Variants in TRDMT1 observed in about 807,000 individuals in gnomAD.
The protein encoded by TRDMT1 is tRNA (cytosine(38)-C(5))-methyltransferase.
In TRDMT1, 49 loss-of-function variants were observed where a neutral mutation model predicts 51.2. The ratio of observed to expected loss-of-function variants is 0.96; its 90% CI spans 0.76 to 1.21. The LOEUF (loss-of-function observed/expected upper bound fraction) is 1.21, where lower values mean the gene tolerates loss of function less well. Among genes scored for constraint, TRDMT1 ranks in the 50% most tolerant of loss-of-function variants. TRDMT1 has a pLI of 0.00. For synonymous variants in TRDMT1, 187 were observed against 164.6 expected (o/e 1.14, Z -1.04); for missense variants, 534 against 462.3 (o/e 1.16, Z -1.42).
chr10:17,157,766 TG>T lies in TRDMT1; in HGVS notation c.561del (p.Ile189LeufsTer13). The T allele has an allele frequency of 6.3e-7, 1 of 1,595,804 alleles. No homozygotes were observed. ...TTTTGTGGATGTACAGATTCAATTTTGGGGAACTCCATCAGTACCTGGCATT... is the reference window on the plus strand; with the variant it reads ...TTTTGTGGATGTACAGATTCAATTTTGGGAACTCCATCAGTACCTGGCATT... ...QAPGQVLMEFPKIESVHPQKY... is the reference protein window; with the variant it reads ...QAPGQVLMEFXKIESVHPQKY... On this transcript the variant is annotated frameshift_variant, in exon 8 of 11. Coordinates refer to ENST00000377799, the MANE Select transcript of TRDMT1 (RefSeq NM_004412.7). LOFTEE classifies it high-confidence loss of function.
intron 8 of TRDMT1, 37 bp from the exon 9 acceptor site, chr10:17,154,771 G>A (rs747438698): frequency 1.9e-6 from 3 of 1,558,228 alleles, no homozygotes; most frequent in African/African-American, 1.4e-5. Flanking sequence ...AGCACCTGAT[G>A]TATGTGTTAA....
intron 2 of TRDMT1, among the ~76,000 whole-genome samples, chr10:17,171,156 G>A (rs1217228503): frequency 6.8e-6 from 1 of 147,696 alleles, no homozygotes; most frequent in Non-Finnish European, 1.5e-5. Flanking sequence ...CAAGATCTCA[G>A]GCAACCAGGC....
intron 1 of TRDMT1, among the ~76,000 whole-genome samples, chr10:17,194,927 C>T (rs1315060650): frequency 7.3e-5 from 6 of 81,692 alleles, no homozygotes; most frequent in Admixed American, 1.6e-4. Flanking sequence ...AGCAAGAATC[C>T]GACTCAAAAA....
At chr10:17,161,119 A>T (rs1840293689) in intron 5 of TRDMT1, among the ~76,000 whole-genome samples, 1 of 152,196 alleles carries the variant, frequency 6.6e-6, no homozygotes, top group Non-Finnish European at 1.5e-5. Context: ...TTCTTCCTGC[A>T]TCCAACTGTA....
intron 8 of TRDMT1, among the ~76,000 whole-genome samples, chr10:17,156,231 A>C (rs1274952939): frequency 6.6e-6 from 1 of 151,922 alleles, no homozygotes; most frequent in Non-Finnish European, 1.5e-5. Flanking sequence ...ATCCTTGGCA[A>C]AATTTTTCTT....
In TRDMT1 at chr10:17,141,445, C is replaced by T. The variant is rs1837681561; in HGVS notation, c.*7595G>A. On this transcript the variant is annotated 3_prime_UTR_variant, in exon 11 of 11. Transcript: ENST00000377799. ...AAAGTGCTGGGATTACAGGTGTCAG[C>T]CACCGCGCCCAGCCTCCAGCTGCTT... Among the ~76,000 whole-genome samples, 1 of 152,142 alleles carries T rather than the reference C, an allele frequency of 6.6e-6. No homozygotes were observed. The highest frequency in any genetic ancestry group is 6.5e-5 in the Admixed American group (1 of 15,278).
chr10:17,143,287 T>C lies in TRDMT1; in HGVS notation c.*5753A>G, dbSNP rs1305290594. 2.0e-6 allele frequency: 2 copies of C among 984,860 alleles called. No individual in the cohort carries two copies. The highest frequency in any genetic ancestry group is 1.7e-5 in the African/African-American group (1 of 57,230). The allele number at this position is 984,860 out of a possible 1,614,324, so 61.0% of individuals were successfully genotyped here. On this transcript the variant is annotated 3_prime_UTR_variant, in exon 11 of 11. Coordinates refer to ENST00000377799, the MANE Select transcript of TRDMT1 (RefSeq NM_004412.7). ...ATGTGCCAGTACTGTTTTAAGTCAC[T>C]GGGGGGACAACGTATTAACAATCTC...
chr10:17,180,526 C>T lies in TRDMT1; in HGVS notation c.65-5866G>A, dbSNP rs575586463. On this transcript the variant is annotated intron_variant, in intron 1 of 10. Coordinates refer to ENST00000377799, the MANE Select transcript of TRDMT1 (RefSeq NM_004412.7). ...CTTCACTCCAGCCTGGGCAAAAGAGCGGAACTCTGTCTCAAAAAAAAAAAA... is the reference window on the plus strand; with the variant it reads ...CTTCACTCCAGCCTGGGCAAAAGAGTGGAACTCTGTCTCAAAAAAAAAAAA... Among the ~76,000 whole-genome samples the T allele has an allele frequency of 8.3e-5, 10 of 120,504 alleles. No individual in the cohort carries two copies. In the South Asian group the frequency reaches 3.0e-3, roughly 36 times the overall value. 79.1% of individuals were successfully genotyped at this position (120,504 alleles called of 152,430 possible).
chr10:17,139,257 G>C lies in TRDMT1; in HGVS notation c.*9783C>G, dbSNP rs1837514903. The C allele has an allele frequency of 2.1e-6, 2 of 972,466 alleles. No homozygotes were observed. Among genetic ancestry groups the C allele is most frequent in the South Asian group, 4.8e-5 (1 of 21,038 alleles). The allele number at this position is 972,466 out of a possible 1,614,324, so 60.2% of individuals were successfully genotyped here. ...GTGACCCCTAAAATTCCCCAAACAA[G>C]GCGGTGAAGTTAAATATTTAGACAC... On this transcript the variant is annotated 3_prime_UTR_variant, in exon 11 of 11. Transcript: ENST00000377799.
At position 17,174,317 on chromosome 10, in the gene TRDMT1, T is replaced by C. The variant is rs957828658; in HGVS notation, c.174+234A>G. On this transcript the variant is annotated intron_variant, in intron 2 of 10. Transcript: ENST00000377799. ...TTTAGAAGTCAAGCATATCCTTACATTTCAATTATTTCTCTGAAAGACCAA... is the reference window on the plus strand; with the variant it reads ...TTTAGAAGTCAAGCATATCCTTACACTTCAATTATTTCTCTGAAAGACCAA... 2.0e-5 allele frequency among the ~76,000 whole-genome samples: 3 copies of C among 152,230 alleles called. No individual in the cohort carries two copies. In the South Asian group the frequency reaches 6.2e-4, roughly 31 times the overall value.
intron 10 of TRDMT1, chr10:17,151,395 C>T (rs1838717003): frequency 1.0e-6 from 1 of 982,240 alleles, no homozygotes; most frequent in Non-Finnish European, 1.2e-6. Flanking sequence ...GCAGAATACA[C>T]ACCACCAGTC....
Position 17,140,471 on chromosome 10 carries a change from T to C in TRDMT1, c.*8569A>G, listed in dbSNP as rs1396392443. Among the ~76,000 whole-genome samples, 2 of 152,158 alleles carry C rather than the reference T, an allele frequency of 1.3e-5. No homozygotes were observed. The highest frequency in any genetic ancestry group is 2.9e-5 in the Non-Finnish European group (2 of 68,018). On this transcript the variant is annotated 3_prime_UTR_variant, in exon 11 of 11. Transcript: ENST00000377799. The stretch of plus-strand genomic sequence containing the variant: ...TCTAAGTCAGTTAATTGGACAATTA[T>C]TTATTAGGTACCCACTATCTGTCAG...
chr10:17,169,263 T>A, intron 2 of TRDMT1: 1 of 993,960 alleles, frequency 1.0e-6, no homozygotes, highest in Non-Finnish European at 1.3e-6. Context: ...ATTTTATAAT[T>A]GATAACGTTC....
Position 17,143,600 on chromosome 10 carries a change from C to T in TRDMT1, c.*5440G>A. On this transcript the variant is annotated 3_prime_UTR_variant, in exon 11 of 11. Transcript: ENST00000377799. ...TTCATGCTGGATTAAATTTAGAAGGCTCAAATCTGTTAAATGTTGACATGT... is the reference window on the plus strand; with the variant it reads ...TTCATGCTGGATTAAATTTAGAAGGTTCAAATCTGTTAAATGTTGACATGT... 1.0e-6 allele frequency: 1 copy of T among 985,406 alleles called. No homozygotes were observed. The highest frequency in any genetic ancestry group is 1.2e-6 in the Non-Finnish European group (1 of 829,936). The allele number at this position is 985,406 out of a possible 1,614,324, so 61.0% of individuals were successfully genotyped here.
In TRDMT1 at chr10:17,144,365, G is replaced by C; in HGVS notation, c.*4675C>G. The C allele has an allele frequency of 1.0e-6, 1 of 985,372 alleles. No individual in the cohort carries two copies. 61.0% of individuals were successfully genotyped at this position (985,372 alleles called of 1,614,324 possible). On this transcript the variant is annotated 3_prime_UTR_variant, in exon 11 of 11. Transcript: ENST00000377799. ...TGAAGCCATGCTAGGTACAAGCAAA[G>C]AAATGAAAAAACCCTAGGCTTATTC...
chr10:17,164,642 C>T (rs1329673194), intron 3 of TRDMT1, among the ~76,000 whole-genome samples: 1 of 152,174 alleles, frequency 6.6e-6, no homozygotes, highest in Non-Finnish European at 1.5e-5. Context: ...CCCAAAATCT[C>T]CTTAAGCTGA....
chr10:17,201,230 A>AT, intron 1 of TRDMT1: 6 of 218,902 alleles, frequency 2.7e-5, no homozygotes, highest in South Asian at 1.0e-4. Flanking sequence ...CGGTGGCTGC[A>AT]CACTTAGAAT....
At chr10:17,191,008 G>A (rs1844611198) in intron 1 of TRDMT1, among the ~76,000 whole-genome samples, 1 of 152,192 alleles carries the variant, frequency 6.6e-6, no homozygotes. Context: ...GCAGCAACCT[G>A]GAAGAGATGA....
intron 1 of TRDMT1, among the ~76,000 whole-genome samples, chr10:17,185,930 A>G (rs1180047925): frequency 6.6e-6 from 1 of 152,108 alleles, no homozygotes; most frequent in African/African-American, 2.4e-5. Context: ...AAGGAGGGAT[A>G]GCATTAGGAG....
Sources: gnomAD v4.1 joint callset for allele counts (sites outside exome capture counted in the v4.1 genomes callset) on GRCh38, gnomAD v4.1.1 for gene constraint, MANE v1.5 for transcripts, NCBI Gene and HGNC (gene_info 2026-07-23, HGNC 2026-07-21) for gene names.